The following UNC13C variants were observed in gnomAD, a reference collection of about 807,000 sequenced individuals.
UNC13C encodes unc-13 homolog C, also known as protein unc-13 homolog C.
A neutral mutation model predicts 245.4 loss-of-function variants in UNC13C; 174 were observed. The ratio of observed to expected loss-of-function variants is 0.71; its 90% CI spans 0.63 to 0.80. UNC13C has a LOEUF of 0.80. UNC13C is among the 30% of genes least tolerant of loss of function. The probability of loss-of-function intolerance (pLI) is 0.00; values close to 1 mark genes in which losing one functional copy is unlikely to be tolerated. For synonymous variants in UNC13C, 992 were observed against 895.1 expected, an observed-to-expected ratio of 1.11 and a Z score of -1.93; for missense variants, 2,829 against 2,602.9, an observed-to-expected ratio of 1.09 and a Z score of -1.89.
chr15:54,072,996 A>G (rs1011283343), intron 2 of UNC13C, among the ~76,000 whole-genome samples: 1 of 152,010 alleles, frequency 6.6e-6, no homozygotes, highest in Non-Finnish European at 1.5e-5. Context: ...CGCATCATCT[A>G]CATTAGGTAT....
intron 18 of UNC13C, among the ~76,000 whole-genome samples, chr15:54,409,699 G>A (rs1415880340): frequency 1.3e-5 from 2 of 152,154 alleles, no homozygotes; most frequent in African/African-American, 4.8e-5. Context: ...TTGCTGCAAA[G>A]GACATGATTT....
At chr15:54,386,530 C>T (rs2039840997) in intron 17 of UNC13C, among the ~76,000 whole-genome samples, 1 of 152,080 alleles carries the variant, frequency 6.6e-6, no homozygotes, top group African/African-American at 2.4e-5. Flanking sequence ...TTGGCTTTCT[C>T]TTGTTGGTTT....
intron 19 of UNC13C, among the ~76,000 whole-genome samples, chr15:54,472,002 A>G (rs1055297696): frequency 5.3e-5 from 8 of 151,804 alleles, no homozygotes; most frequent in African/African-American, 2.4e-5. Flanking sequence ...CCATTTTGGT[A>G]TTCGTTTGAT....
chr15:54,584,700 A>C (rs944542694), intron 30 of UNC13C, among the ~76,000 whole-genome samples: 38 of 152,398 alleles, frequency 2.5e-4, no homozygotes, highest in Non-Finnish European at 5.1e-4. Flanking sequence ...GTATTCACTA[A>C]GAAAACATTA....
intron 2 of UNC13C, among the ~76,000 whole-genome samples, chr15:54,071,508 C>G (rs925403107): frequency 1.3e-5 from 2 of 151,962 alleles, no homozygotes; most frequent in African/African-American, 4.8e-5. Context: ...TGCAGAGGTA[C>G]CATACACAAA....
intron 14 of UNC13C, 30 bp from the exon 15 acceptor site, chr15:54,332,013 A>C (rs766428340): frequency 9.5e-6 from 14 of 1,474,994 alleles, no homozygotes; most frequent in Non-Finnish European, 1.1e-5. Flanking sequence ...ATTTATTTCC[A>C]TTCTCCTATT....
intron 19 of UNC13C, among the ~76,000 whole-genome samples, chr15:54,436,082 C>G (rs2040979959): frequency 6.6e-6 from 1 of 151,928 alleles, no homozygotes; most frequent in African/African-American, 2.4e-5. Context: ...AGTTAGGAAA[C>G]AGCAGATGCT....
intron 17 of UNC13C, among the ~76,000 whole-genome samples, chr15:54,380,117 A>G (rs2039690940): frequency 6.6e-6 from 1 of 152,058 alleles, no homozygotes; most frequent in African/African-American, 2.4e-5. Flanking sequence ...CCTTTGACCA[A>G]CAGCTCTCTA....
chr15:54,325,905 A>T (rs1485938692), intron 14 of UNC13C, among the ~76,000 whole-genome samples: 1 of 151,998 alleles, frequency 6.6e-6, no homozygotes, highest in Non-Finnish European at 1.5e-5. Context: ...AGGGATTTTT[A>T]AACTATTTAA....
chr15:54,321,686 G>A (rs1309152137), intron 13 of UNC13C: 2 of 423,192 alleles, frequency 4.7e-6, no homozygotes, highest in Non-Finnish European at 8.3e-6. Context: ...TGGCAAGGGA[G>A]ACTTTAACAA....
intron 4 of UNC13C, among the ~76,000 whole-genome samples, chr15:54,202,849 G>A (rs1474705013): frequency 1.3e-5 from 2 of 151,948 alleles, no homozygotes; most frequent in Non-Finnish European, 2.9e-5. Context: ...CATCGGCACA[G>A]CAAAAGAAAT....
chr15:53,858,321 T>C, the UNC13C span, among the ~76,000 whole-genome samples: 4 of 152,302 alleles, frequency 2.6e-5, 1 homozygote, highest in Admixed American at 2.0e-4. Flanking sequence ...GGTTTCACTT[T>C]AGTATTTTGA....
At chr15:54,433,317 C>CATCCCTGATGAACA (rs2040910603) in intron 19 of UNC13C, among the ~76,000 whole-genome samples, 1 of 152,002 alleles carries the variant, frequency 6.6e-6, no homozygotes, top group African/African-American at 2.4e-5. Flanking sequence ...TGATGAACAT[C>CATCCCTGATGAACA]TTTGCAAAAA....
intron 17 of UNC13C, among the ~76,000 whole-genome samples, chr15:54,357,384 T>C (rs933818094): frequency 6.6e-6 from 1 of 152,080 alleles, no homozygotes; most frequent in Non-Finnish European, 1.5e-5. Flanking sequence ...AAAATATTCT[T>C]ATTTTCTTCC....
chr15:54,481,030 C>G (rs920917900), intron 19 of UNC13C, among the ~76,000 whole-genome samples: 1 of 152,144 alleles, frequency 6.6e-6, no homozygotes, highest in Non-Finnish European at 1.5e-5. Flanking sequence ...ACCTATGTAA[C>G]TATAGTATTG....
intron 29 of UNC13C, among the ~76,000 whole-genome samples, chr15:54,559,445 C>CAGCT (rs1897214509): frequency 1.3e-5 from 2 of 151,890 alleles, no homozygotes; most frequent in Non-Finnish European, 2.9e-5. Flanking sequence ...GGTTAAAATC[C>CAGCT]AGCTACTCAT....
At chr15:54,006,879 T>A (rs1895161464) in intron 1 of UNC13C, among the ~76,000 whole-genome samples, 1 of 152,176 alleles carries the variant, frequency 6.6e-6, no homozygotes, top group South Asian at 2.1e-4. Flanking sequence ...TAAAGTTACT[T>A]GGTCGGTGTG....
At chr15:54,552,679 T>C (rs1418021927) in intron 28 of UNC13C, among the ~76,000 whole-genome samples, 1 of 84,430 alleles carries the variant, frequency 1.2e-5, no homozygotes, top group Non-Finnish European at 2.0e-5. Context: ...CTATATAATA[T>C]AATTATATAA....
the UNC13C span, among the ~76,000 whole-genome samples, chr15:53,904,445 G>A: frequency 1.3e-5 from 2 of 151,916 alleles, no homozygotes; most frequent in African/African-American, 4.8e-5. Flanking sequence ...CCCTTGCCCT[G>A]TACAAATAGA....
Sources: gnomAD v4.1 joint callset for allele counts (sites outside exome capture counted in the v4.1 genomes callset) on GRCh38, gnomAD v4.1.1 for gene constraint, MANE v1.5 for transcripts, NCBI Gene and HGNC (gene_info 2026-07-23, HGNC 2026-07-21) for gene names.